MAP4K1: variants seen among roughly 807,000 people sequenced by gnomAD.
MAP4K1 encodes the protein mitogen-activated protein kinase kinase kinase kinase 1.
A neutral mutation model predicts 122.8 loss-of-function variants in MAP4K1; 35 were observed. The observed-to-expected ratio is 0.29, with a 90% CI of 0.22 to 0.38. MAP4K1 has a LOEUF of 0.38. Among genes scored for constraint, MAP4K1 ranks in the 10% least tolerant of loss-of-function variants. MAP4K1 has a pLI of 1.00. For synonymous variants in MAP4K1, 412 were observed against 421.3 expected (o/e 0.98, Z 0.27); for missense variants, 791 against 1,072.6 (o/e 0.74, Z 3.67).
intron 22 of MAP4K1, among the ~76,000 whole-genome samples, chr19:38,599,032 AAAAG>A (rs1974977826): frequency 7.0e-6 from 1 of 143,118 alleles, no homozygotes; most frequent in Non-Finnish European, 1.5e-5. Context: ...AAAAAAAAAA[AAAAG>A]GACTAATTTA....
intron 19 of MAP4K1, among the ~76,000 whole-genome samples, chr19:38,603,285 TACAC>T (rs200991919): frequency 1.7e-4 from 26 of 149,130 alleles, no homozygotes; most frequent in East Asian, 3.9e-4. Flanking sequence ...CACATACATA[TACAC>T]ACACACATAC....
rs1298104189 is a variant in MAP4K1 at position 38,597,148 on chromosome 19, G to A, written c.1838-11C>T. Reference sequence around the variant, plus strand: ...AGCTCGCACCCTCCGCTGTGGCATGGGCAAGGATGAGTCAAGATCAATGCC... The same window carrying A: ...AGCTCGCACCCTCCGCTGTGGCATGAGCAAGGATGAGTCAAGATCAATGCC... On this transcript the variant is annotated splice_polypyrimidine_tract_variant and intron_variant, in intron 24 of 30. Coordinates refer to ENST00000396857, the MANE Select transcript of MAP4K1 (RefSeq NM_001042600.3). The surrounding 1 kb of genome is among the most constrained non-coding windows in gnomAD (Gnocchi z 4.6). 1 of 1,613,698 alleles carries A rather than the reference G, an allele frequency of 6.2e-7. No individual in the cohort carries two copies. Among genetic ancestry groups the A allele is most frequent in the Non-Finnish European group, 8.5e-7 (1 of 1,179,744 alleles).
At chr19:38,608,084 G>C (rs1363136757) in intron 14 of MAP4K1, 28 bp downstream of exon 14, 3 of 1,559,276 alleles carry the variant, frequency 1.9e-6, no homozygotes, top group Admixed American at 1.9e-5. Context: ...CAGGCGGTGT[G>C]GTGGGGAGTG....
In MAP4K1 at chr19:38,609,791, C is replaced by T. The variant is rs574008938; in HGVS notation, c.928-117G>A. Reference sequence around the variant, plus strand: ...GGGCACACAGCCTTTTACCAAGCTCCCCATCCTCCCTCCCTGTTTTCCCCC... The same window carrying T: ...GGGCACACAGCCTTTTACCAAGCTCTCCATCCTCCCTCCCTGTTTTCCCCC... On this transcript the variant is annotated intron_variant, in intron 12 of 30. Transcript: ENST00000396857. 206 of 1,292,888 alleles carry T rather than the reference C, an allele frequency of 1.6e-4. No individual in the cohort carries two copies. In the Admixed American group the frequency reaches 2.1e-3, roughly 13 times the overall value. 80.1% of individuals were successfully genotyped at this position (1,292,888 alleles called of 1,614,324 possible).
intron 19 of MAP4K1, 144 bp downstream of exon 19, chr19:38,605,265 T>C: frequency 1.6e-6 from 1 of 635,862 alleles, no homozygotes; most frequent in Non-Finnish European, 2.8e-6. Flanking sequence ...TGCCATGTAA[T>C]GATAGGAGAT....
rs1269054260 is a variant in MAP4K1, at chr19:38,605,403, C to T, written c.1446+6G>A. The T allele has an allele frequency of 2.6e-6, 4 of 1,553,962 alleles. No individual in the cohort carries two copies. Among genetic ancestry groups the T allele is most frequent in the Non-Finnish European group, 3.5e-6 (4 of 1,146,808 alleles). On this transcript the variant is annotated splice_donor_region_variant and intron_variant, in intron 19 of 30. Transcript: ENST00000396857. The stretch of plus-strand genomic sequence containing the variant: ...GGTGTAAGTCCTCAGCAGAGCTGAA[C>T]CTCACCTTTCTCTTCATCTTTTCCT...
intron 19 of MAP4K1, among the ~76,000 whole-genome samples, chr19:38,602,806 A>ATACATATATACACATG (rs1170176068): frequency 7.7e-6 from 1 of 129,896 alleles, no homozygotes. Context: ...ACATACATAT[A>ATACATATATACACATG]TACATATATA....
chr19:38,603,249 TAC>T (rs1265996638), intron 19 of MAP4K1, among the ~76,000 whole-genome samples: 1 of 147,444 alleles, frequency 6.8e-6, no homozygotes, highest in Non-Finnish European at 1.5e-5. Flanking sequence ...TATACACATG[TAC>T]ATATATACGC....
At chr19:38,608,534 C>T (rs528536207) in intron 13 of MAP4K1, among the ~76,000 whole-genome samples, 5 of 151,944 alleles carry the variant, frequency 3.3e-5, no homozygotes, top group Admixed American at 2.0e-4. Flanking sequence ...CAGTGGCTCA[C>T]GCCTGTAATC....
At chr19:38,595,872 C>T in intron 27 of MAP4K1, 67 bp downstream of exon 27, 3 of 1,574,588 alleles carry the variant, frequency 1.9e-6, no homozygotes, top group East Asian at 2.2e-5. Context: ...AGCACAAGTT[C>T]GGAGGCAGAG....
Position 38,596,388 on chromosome 19 carries a change from C to T in MAP4K1, c.2040G>A (p.Gly680=). 1 of 1,598,416 alleles carries T rather than the reference C, an allele frequency of 6.3e-7. No individual in the cohort carries two copies. Among genetic ancestry groups the T allele is most frequent in the Non-Finnish European group, 8.5e-7 (1 of 1,175,534 alleles). The change falls in exon 26 of 31, where the codon GGG becomes GGA. Residue 680 remains glycine (G), a synonymous_variant. Transcript: ENST00000396857. ...LPAVCIGVSP[G]RPGKSVLFHT... is the part of the protein sequence containing the mutation. ...GGAAGAGCACCGACTTCCCCGGCCG[C>T]CCGGGGCTCACGCCGATGCACACAG...
At chr19:38,594,756 T>G (rs964384517) in intron 29 of MAP4K1, among the ~76,000 whole-genome samples, 4 of 151,300 alleles carry the variant, frequency 2.6e-5, no homozygotes, top group African/African-American at 9.7e-5. Flanking sequence ...CTGGGCAACA[T>G]GGTGAAACCC....
chr19:38,607,835 T>C (rs768942601), intron 16 of MAP4K1, 29 bp downstream of exon 16: 11 of 1,607,392 alleles, frequency 6.8e-6, no homozygotes, highest in Non-Finnish European at 9.3e-6. Context: ...AGGTGGGGCC[T>C]GTGGAGCTGC....
intron 13 of MAP4K1, 122 bp from the exon 14 acceptor site, chr19:38,608,292 A>G: frequency 1.9e-6 from 1 of 516,250 alleles, no homozygotes; most frequent in South Asian, 3.3e-5. Context: ...GGGACTGCAA[A>G]TGATCTCAGG....
At chr19:38,606,445 C>G (rs1975332055) in intron 16 of MAP4K1, among the ~76,000 whole-genome samples, 1 of 152,124 alleles carries the variant, frequency 6.6e-6, no homozygotes, top group Admixed American at 6.6e-5. Context: ...TGGCTTGAGC[C>G]CAGGAATTCG....
At chr19:38,610,731 G>A (rs1312371137) in intron 11 of MAP4K1, among the ~76,000 whole-genome samples, 1 of 152,068 alleles carries the variant, frequency 6.6e-6, no homozygotes. Flanking sequence ...AAGAATTTAG[G>A]TTTCTCAGAG....
chr19:38,610,669 AGCCACC>A (rs1204049234), intron 11 of MAP4K1, among the ~76,000 whole-genome samples: 5 of 152,080 alleles, frequency 3.3e-5, no homozygotes, highest in Admixed American at 1.3e-4. Flanking sequence ...TACAGGTGTG[AGCCACC>A]ATGCCCAGCC....
Position 38,596,369 on chromosome 19 carries a change from G to T in MAP4K1, c.2059C>A (p.Leu687Ile). The T allele has an allele frequency of 6.2e-7, 1 of 1,601,690 alleles. No individual in the cohort carries two copies. The highest frequency in any genetic ancestry group is 8.5e-7 in the Non-Finnish European group (1 of 1,176,522). The change falls in exon 26 of 31, where the codon CTC becomes ATC. Residue 687 changes from leucine (L) to isoleucine (I), a missense_variant. Leu to Ile is a conservative substitution (Grantham distance 5). Coordinates refer to ENST00000396857, the MANE Select transcript of MAP4K1 (RefSeq NM_001042600.3). Reference protein sequence around the residue: ...VSPGRPGKSVLFHTVRFGALS... With the variant: ...VSPGRPGKSVIFHTVRFGALS... ...GCGCCAAAGCGCACCGTGTGGAAGAGCACCGACTTCCCCGGCCGCCCGGGG... is the reference window on the plus strand; with the variant it reads ...GCGCCAAAGCGCACCGTGTGGAAGATCACCGACTTCCCCGGCCGCCCGGGG...
At chr19:38,594,984 T>C (rs1018718740) in intron 29 of MAP4K1, among the ~76,000 whole-genome samples, 1 of 151,064 alleles carries the variant, frequency 6.6e-6, no homozygotes, top group Admixed American at 6.6e-5. Flanking sequence ...TATCTATCTA[T>C]CTATCTATCT....
Sources: allele counts gnomAD v4.1 joint callset (sites outside exome capture counted in the v4.1 genomes callset), GRCh38; gene constraint gnomAD v4.1.1; non-coding constraint Gnocchi (gnomAD v3.1); transcripts MANE v1.5; gene names NCBI Gene and HGNC (gene_info 2026-07-23, HGNC 2026-07-21).